CASD1: variants seen among roughly 807,000 people sequenced by gnomAD.
CASD1 encodes CAS1 domain sialic acid O acetyltransferase 1, also known as N-acetylneuraminate (7)9-O-acetyltransferase.
CASD1 carries 41 observed loss-of-function variants against 100.0 expected under a neutral mutation model. The ratio of observed to expected loss-of-function variants is 0.41; its 90% confidence interval spans 0.32 to 0.53. The LOEUF is 0.53. Ranked by LOEUF, CASD1 falls within the 20% of genes least tolerant of loss-of-function variation. The pLI, the probability that CASD1 is intolerant of heterozygous loss-of-function variation, is 0.25. For missense variants in CASD1, 774 were observed against 948.7 expected, an observed-to-expected ratio of 0.82 and a Z score of 2.42; for synonymous variants, 321 against 315.6, an observed-to-expected ratio of 1.02 and a Z score of -0.18.
At chr7:94,516,455 G>T (rs1793981704) in intron 1 of CASD1, among the ~76,000 whole-genome samples, 1 of 152,072 alleles carries the variant, frequency 6.6e-6, no homozygotes, top group African/African-American at 2.4e-5. Flanking sequence ...ACCCTGAAAT[G>T]CTCAATATCC....
At chr7:94,611,361 A>T in the CASD1 span, among the ~76,000 whole-genome samples, 1 of 152,134 alleles carries the variant, frequency 6.6e-6, no homozygotes, top group South Asian at 2.1e-4. Flanking sequence ...AAACTTGAAA[A>T]TGTTATACAA....
In CASD1 at chr7:94,555,938, A is replaced by G. The variant is rs536180382; in HGVS notation, c.*180A>G. On this transcript the variant is annotated 3_prime_UTR_variant, in exon 18 of 18. Transcript: ENST00000297273. ...TATATATTGGAAATGTACATATCCA[A>G]TATGAAATACTAAAACAAACAAACA... The G allele has an allele frequency of 1.1e-4, 67 of 586,184 alleles. No homozygotes were observed. In the Middle Eastern group the frequency reaches 1.8e-3, roughly 16 times the overall value. The allele number at this position is 586,184 out of a possible 1,614,324, so 36.3% of individuals were successfully genotyped here.
the CASD1 span, among the ~76,000 whole-genome samples, chr7:94,616,385 A>G: frequency 6.6e-6 from 1 of 152,242 alleles, no homozygotes; most frequent in African/African-American, 2.4e-5. Context: ...TATGCTAAGT[A>G]TTACACAAAG....
At chr7:94,546,699 G>A (rs1795698995) in intron 12 of CASD1, among the ~76,000 whole-genome samples, 2 of 151,720 alleles carry the variant, frequency 1.3e-5, no homozygotes, top group Non-Finnish European at 3.0e-5. Context: ...TTTCTCCTTG[G>A]AACTTTAATG....
At chr7:94,582,374 C>T in the CASD1 span, among the ~76,000 whole-genome samples, 1 of 152,166 alleles carries the variant, frequency 6.6e-6, no homozygotes, top group Non-Finnish European at 1.5e-5. Context: ...CTGCCCGCCT[C>T]GGCCTCCCAA....
At chr7:94,600,769 G>A in the CASD1 span, 4 of 1,613,688 alleles carry the variant, frequency 2.5e-6, no homozygotes, top group South Asian at 4.4e-5. Context: ...CAAAGAATCA[G>A]AAGGGGGTTT....
rs531848494 is a variant in CASD1 at position 94,555,330 on chromosome 7, T to TAGACTGC, written c.2128-159_2128-153dup. On this transcript the variant is annotated intron_variant, in intron 17 of 17. Transcript: ENST00000297273. ...TATTAGCAGTTGGAGTTCTAAGGAG[T>TAGACTGC]AGACTGCAGTGGACTTTTCAGGGCC... 4.8e-4 allele frequency among the ~76,000 whole-genome samples: 73 copies of TAGACTGC among 152,100 alleles called. 1 individual carries two copies. The highest frequency in any genetic ancestry group is 1.7e-3 in the African/African-American group (71 of 41,528).
In CASD1 at chr7:94,528,441, G is replaced by T. The variant is rs1016784705; in HGVS notation, c.459+191G>T. Among the ~76,000 whole-genome samples the T allele has an allele frequency of 7.9e-5, 12 of 151,940 alleles. 1 individual carries two copies. The highest frequency in any genetic ancestry group is 2.6e-4 in the Admixed American group (4 of 15,260). On this transcript the variant is annotated intron_variant, in intron 5 of 17. Coordinates refer to ENST00000297273, the MANE Select transcript of CASD1 (RefSeq NM_022900.5). ...GAGAAGATGTAGATCCAATATCTCT[G>T]CTCCATTATCACCATTCTAACCATA... is the stretch of plus-strand genomic sequence containing the variant.
chr7:94,548,336 A>G (rs1175689385), intron 13 of CASD1, among the ~76,000 whole-genome samples: 1 of 151,880 alleles, frequency 6.6e-6, no homozygotes, highest in Admixed American at 6.6e-5. Context: ...AATTGTGTAT[A>G]CATCATATAT....
At chr7:94,571,870 CAAAAA>C in the CASD1 span, among the ~76,000 whole-genome samples, 41,931 of 141,954 alleles carry the variant, frequency 0.3, 8,610 homozygotes, top group African/African-American at 0.59. Context: ...ACTAAAACCT[CAAAAA>C]AAAAAAAAAT....
chr7:94,584,143 GATGA>G, the CASD1 span, among the ~76,000 whole-genome samples: 1 of 152,282 alleles, frequency 6.6e-6, no homozygotes, highest in African/African-American at 2.4e-5. Flanking sequence ...TACTAGAATA[GATGA>G]ATAAAGTTCC....
intron 12 of CASD1, among the ~76,000 whole-genome samples, chr7:94,546,803 T>C (rs1795703569): frequency 4.6e-5 from 7 of 152,008 alleles, no homozygotes; most frequent in Admixed American, 4.6e-4. Context: ...CTTTGAATAA[T>C]GAATAAGTAT....
chr7:94,619,892 C>T, the CASD1 span: 1 of 152,088 alleles, frequency 6.6e-6, no homozygotes, highest in African/African-American at 2.4e-5. Context: ...CTAAAAGAGA[C>T]TGCATATATA....
intron 3 of CASD1, among the ~76,000 whole-genome samples, chr7:94,526,169 ACTACT>A (rs1218774747): frequency 6.6e-6 from 1 of 152,222 alleles, no homozygotes; most frequent in Non-Finnish European, 1.5e-5. Flanking sequence ...ACAGCAACAA[ACTACT>A]CTAACGTCTT....
chr7:94,559,472 CT>C (rs1347753659), downstream of CASD1, among the ~76,000 whole-genome samples: 9 of 151,882 alleles, frequency 5.9e-5, no homozygotes, highest in Non-Finnish European at 8.8e-5. Flanking sequence ...TAAAATTGTC[CT>C]GAGCACCTGA....
chr7:94,524,131 T>G (rs1410448863), intron 3 of CASD1: 1 of 152,076 alleles, frequency 6.6e-6, no homozygotes, highest in African/African-American at 2.4e-5. Flanking sequence ...CTTCATTATC[T>G]CAAGGTAGGG....
At chr7:94,585,585 G>A in the CASD1 span, 1 of 947,598 alleles carries the variant, frequency 1.1e-6, no homozygotes. Context: ...TTTGAGCAAA[G>A]CAAATTATGG....
intron 13 of CASD1, among the ~76,000 whole-genome samples, chr7:94,547,414 G>A (rs1562948130): frequency 1.3e-5 from 2 of 151,754 alleles, no homozygotes; most frequent in Admixed American, 1.3e-4. Context: ...TTCAAGATCC[G>A]TTTTACTTGA....
the CASD1 span, among the ~76,000 whole-genome samples, chr7:94,575,696 T>G: frequency 6.6e-6 from 1 of 152,326 alleles, no homozygotes; most frequent in East Asian, 1.9e-4. Flanking sequence ...TAGTTTGTGT[T>G]TATCTGGGAA....
Sources: allele counts gnomAD v4.1 joint callset (sites outside exome capture counted in the v4.1 genomes callset), GRCh38; gene constraint gnomAD v4.1.1; transcripts MANE v1.5; gene names NCBI Gene and HGNC (gene_info 2026-07-23, HGNC 2026-07-21).